RNF130: variants seen among roughly 807,000 people sequenced by gnomAD.
RNF130 encodes ring finger protein 130, also known as E3 ubiquitin-protein ligase RNF130.
Under a neutral mutation model 44.6 loss-of-function variants are expected in RNF130, and 21 were observed. That is an observed-to-expected ratio of 0.47 (90% CI 0.33 to 0.68). The LOEUF (loss-of-function observed/expected upper bound fraction) is 0.68, where lower values mean the gene tolerates loss of function less well. RNF130 is among the 30% of genes least tolerant of loss of function. The pLI is 0.02. For missense variants in RNF130, 479 were observed against 560.6 expected (o/e 0.85, Z 1.47); for synonymous variants, 214 against 210.4 (o/e 1.02, Z -0.15).
At chr5:179,978,435 C>T in intron 4 of RNF130, 150 bp from the exon 5 acceptor site, 2 of 591,724 alleles carry the variant, frequency 3.4e-6, no homozygotes, top group Non-Finnish European at 3.0e-6. Flanking sequence ...TTTTATTTGC[C>T]TAACTATATT....
intron 1 of RNF130, among the ~76,000 whole-genome samples, chr5:180,068,525 T>TA (rs1281806326): frequency 6.6e-6 from 1 of 152,236 alleles, no homozygotes; most frequent in Non-Finnish European, 1.5e-5. Flanking sequence ...GTATACTACG[T>TA]AAAGTATAGC....
intron 1 of RNF130, among the ~76,000 whole-genome samples, chr5:180,045,896 C>T (rs953645645): frequency 9.2e-5 from 14 of 152,216 alleles, no homozygotes; most frequent in Non-Finnish European, 1.8e-4. Context: ...TCTCCAAGAC[C>T]CCACCCAACT....
Position 179,975,257 on chromosome 5 carries a change from G to A in RNF130, c.848+2946C>T, listed in dbSNP as rs537279817. 9.7e-4 allele frequency among the ~76,000 whole-genome samples: 148 copies of A among 152,386 alleles called. 3 individuals carry two copies. Among genetic ancestry groups the A allele is most frequent in the South Asian group, 5.0e-3 (24 of 4,832 alleles). On this transcript the variant is annotated intron_variant, in intron 5 of 8. Transcript: ENST00000521389. ...TTGGTGAGCGCGAAGGCGCAGCTGC[G>A]AGTGGCATCTGCTGGGGTGAGGCTT...
chr5:179,960,465 T>G (rs1178611708), intron 8 of RNF130, among the ~76,000 whole-genome samples: 2 of 152,250 alleles, frequency 1.3e-5, no homozygotes, highest in Non-Finnish European at 2.9e-5. Flanking sequence ...CACGAAGCCC[T>G]TGGTCAATGC....
intron 7 of RNF130, among the ~76,000 whole-genome samples, chr5:179,924,053 A>T (rs1336528346): frequency 6.6e-6 from 1 of 152,206 alleles, no homozygotes; most frequent in Non-Finnish European, 1.5e-5. Context: ...CATTTAAAAA[A>T]TTGGCATGAA....
chr5:179,918,008 C>CAAAAAT, exon 8 of RNF130: 1 of 152,208 alleles, frequency 6.6e-6, no homozygotes, highest in East Asian at 1.9e-4. Context: ...TGTCTCAAAA[C>CAAAAAT]AAAAATAAAA....
In RNF130 at chr5:180,004,558, C is replaced by A. The variant is rs116591336; in HGVS notation, c.693+8503G>T. On this transcript the variant is annotated intron_variant, in intron 3 of 8. Coordinates refer to ENST00000521389, the MANE Select transcript of RNF130 (RefSeq NM_018434.6). Reference sequence around the variant, plus strand: ...TACAGCTTGAGGGGTTTGTTAGGGGCCAGATTATCTTATCTCATCTGGTCA... The same window carrying A: ...TACAGCTTGAGGGGTTTGTTAGGGGACAGATTATCTTATCTCATCTGGTCA... 2.8e-3 allele frequency among the ~76,000 whole-genome samples: 429 copies of A among 152,266 alleles called. 1 individual carries two copies. Among genetic ancestry groups the A allele is most frequent in the African/African-American group, 7.1e-3 (294 of 41,564 alleles).
At chr5:179,991,633 C>T (rs1463052144) in intron 3 of RNF130, among the ~76,000 whole-genome samples, 4 of 152,116 alleles carry the variant, frequency 2.6e-5, no homozygotes, top group Admixed American at 6.6e-5. Context: ...AGATCAGTGG[C>T]CCCCAACCTT....
intron 3 of RNF130, among the ~76,000 whole-genome samples, chr5:179,994,222 A>G (rs1277630885): frequency 6.6e-6 from 1 of 152,130 alleles, no homozygotes; most frequent in Non-Finnish European, 1.5e-5. Context: ...ATGAACTTTA[A>G]AGTAGTTTTT....
At chr5:180,026,383 C>T (rs1166552397) in intron 2 of RNF130, among the ~76,000 whole-genome samples, 1 of 152,108 alleles carries the variant, frequency 6.6e-6, no homozygotes, top group Non-Finnish European at 1.5e-5. Context: ...AAAATAAATC[C>T]ATAATTTTCA....
At chr5:179,976,960 C>T (rs1762727589) in intron 5 of RNF130, 1 of 152,176 alleles carries the variant, frequency 6.6e-6, no homozygotes, top group African/African-American at 2.4e-5. Flanking sequence ...TCATGCTCCC[C>T]AGCTTGAGAG....
downstream of RNF130, among the ~76,000 whole-genome samples, chr5:179,953,025 G>A (rs1433449485): frequency 6.6e-6 from 1 of 151,968 alleles, no homozygotes; most frequent in Non-Finnish European, 1.5e-5. Flanking sequence ...AAATAAATAA[G>A]CATCCAGATT....
chr5:180,053,012 G>A (rs115481044), intron 1 of RNF130, among the ~76,000 whole-genome samples: 367 of 152,312 alleles, frequency 2.4e-3, no homozygotes, highest in African/African-American at 8.6e-3. Context: ...AGGATTTTAT[G>A]TCAAGATAAT....
At chr5:179,952,610 C>T (rs1762143717), downstream of RNF130, among the ~76,000 whole-genome samples, 2 of 152,156 alleles carry the variant, frequency 1.3e-5, no homozygotes, top group Admixed American at 1.3e-4. Flanking sequence ...AAAATACTAA[C>T]AAACTAAATC....
chr5:180,013,092 ATCT>A lies in RNF130; in HGVS notation c.659_661del (p.Lys220del). The A allele has an allele frequency of 6.2e-7, 1 of 1,613,988 alleles. No homozygotes were observed. The highest frequency in any genetic ancestry group is 8.5e-7 in the Non-Finnish European group (1 of 1,180,024). On this transcript the variant is annotated inframe_deletion, in exon 3 of 9. Coordinates refer to ENST00000521389, the MANE Select transcript of RNF130 (RefSeq NM_018434.6). ...CCTGTCGCGTGCATTTGTGTACCTG[ATCT>A]TCTGAATGAAGTAGAATATGAGCCA...
intron 3 of RNF130, among the ~76,000 whole-genome samples, chr5:179,994,973 G>A (rs1000610118): frequency 6.6e-6 from 1 of 152,158 alleles, no homozygotes; most frequent in Non-Finnish European, 1.5e-5. Context: ...GAGGGGAGGG[G>A]ACTGGTGGGG....
In RNF130 at chr5:180,065,483, G is replaced by A. The variant is rs1051852542; in HGVS notation, c.247+5973C>T. On this transcript the variant is annotated intron_variant, in intron 1 of 8. Transcript: ENST00000521389. ...GTGGTTAAAGTACAGGCACTAGGCC[G>A]GTCACGGTGGCTCACACTTGTAATC... 5.9e-5 allele frequency among the ~76,000 whole-genome samples: 9 copies of A among 152,260 alleles called. No individual in the cohort carries two copies. The East Asian group carries it at 1.7e-3, about 29-fold the overall frequency.
chr5:180,046,269 G>A (rs1011798276), intron 1 of RNF130, among the ~76,000 whole-genome samples: 1 of 152,130 alleles, frequency 6.6e-6, no homozygotes, highest in East Asian at 1.9e-4. Context: ...GCCTCGGCCA[G>A]CCCAGAGAGG....
At chr5:180,014,467 A>G (rs1763669079) in intron 2 of RNF130, among the ~76,000 whole-genome samples, 1 of 152,186 alleles carries the variant, frequency 6.6e-6, no homozygotes, top group Non-Finnish European at 1.5e-5. Flanking sequence ...TATTTTGGGA[A>G]AGAGAAAATT....
Sources: allele counts gnomAD v4.1 joint callset (sites outside exome capture counted in the v4.1 genomes callset), GRCh38; gene constraint gnomAD v4.1.1; transcripts MANE v1.5; gene names NCBI Gene and HGNC (gene_info 2026-07-23, HGNC 2026-07-21).